The following PSMA5 variants were observed in gnomAD, a reference collection of about 807,000 sequenced individuals.
The protein encoded by PSMA5 is proteasome 20S subunit alpha 5.
A neutral mutation model predicts 34.5 loss-of-function variants in PSMA5; 3 were observed. The ratio of observed to expected loss-of-function variants is 0.09; its 90% CI spans 0.04 to 0.22. The LOEUF (loss-of-function observed/expected upper bound fraction) is 0.22. Among genes scored for constraint, PSMA5 ranks in the 10% least tolerant of loss-of-function variants. PSMA5 has a pLI of 1.00. For missense variants in PSMA5, 120 were observed against 286.1 expected (o/e 0.42, Z 4.19); for synonymous variants, 88 against 95.8 (o/e 0.92, Z 0.47).
chr1:109,400,575 C>T lies in PSMA5; in HGVS notation c.*1438G>A, dbSNP rs904897376. ...CTATACTTAATAAGTGTTAAAATCA[C>T]TAGAAGTCTCTGGAACATTCAGTAA... On this transcript the variant is annotated 3_prime_UTR_variant, in exon 9 of 9. Transcript: ENST00000271308. 1 of 152,202 alleles carries T rather than the reference C, an allele frequency of 6.6e-6. No individual in the cohort carries two copies. The highest frequency in any genetic ancestry group is 2.4e-5 in the African/African-American group (1 of 41,450). The allele number at this position is 152,202 out of a possible 1,614,324, so 9.4% of individuals were successfully genotyped here.
At chr1:109,416,947 A>C (rs190405568) in intron 2 of PSMA5, among the ~76,000 whole-genome samples, 4 of 152,202 alleles carry the variant, frequency 2.6e-5, no homozygotes, top group Non-Finnish European at 5.9e-5. Flanking sequence ...TCTATAAAAA[A>C]TACAATAATT....
intron 3 of PSMA5, 22 bp downstream of exon 3, chr1:109,415,215 A>T: frequency 2.5e-6 from 4 of 1,608,524 alleles, no homozygotes; most frequent in Non-Finnish European, 3.4e-6. Flanking sequence ...ATCCTACAGA[A>T]CAGCTTTCCT....
chr1:109,406,818 C>T (rs951031886), intron 8 of PSMA5, among the ~76,000 whole-genome samples: 1 of 152,094 alleles, frequency 6.6e-6, no homozygotes, highest in Non-Finnish European at 1.5e-5. Context: ...GTGACAGATA[C>T]TGGGGGTTGT....
At chr1:109,406,746 G>A (rs544408794) in intron 8 of PSMA5, among the ~76,000 whole-genome samples, 1 of 152,110 alleles carries the variant, frequency 6.6e-6, no homozygotes, top group Non-Finnish European at 1.5e-5. Context: ...AGATCAATGT[G>A]GGGGAAGAGA....
intron 1 of PSMA5, among the ~76,000 whole-genome samples, chr1:109,424,308 T>C (rs1455545041): frequency 2.0e-5 from 3 of 152,140 alleles, no homozygotes. Context: ...CTTTTTTTTT[T>C]TTGGAGACAA....
chr1:109,410,598 T>C (rs192218334), intron 7 of PSMA5, among the ~76,000 whole-genome samples: 1 of 152,314 alleles, frequency 6.6e-6, no homozygotes, highest in African/African-American at 2.4e-5. Context: ...GAGCCAATTG[T>C]AAAGTGCTAA....
chr1:109,404,359 A>T (rs930026706), intron 8 of PSMA5, among the ~76,000 whole-genome samples: 2 of 152,196 alleles, frequency 1.3e-5, no homozygotes, highest in African/African-American at 4.8e-5. Flanking sequence ...TGCTTCTCTT[A>T]AGATATATCT....
chr1:109,402,238 G>T, intron 8 of PSMA5, 148 bp from the exon 9 acceptor site: 1 of 529,524 alleles, frequency 1.9e-6, no homozygotes, highest in South Asian at 3.2e-5. Flanking sequence ...CCAGGCAGCA[G>T]GTCCCTAAAA....
At chr1:109,405,654 G>C (rs909983838) in intron 8 of PSMA5, among the ~76,000 whole-genome samples, 8 of 152,012 alleles carry the variant, frequency 5.3e-5, no homozygotes, top group African/African-American at 1.9e-4. Context: ...TGGCCTGGCT[G>C]GTCTTGAACT....
intron 2 of PSMA5, among the ~76,000 whole-genome samples, chr1:109,417,263 C>T (rs1322486439): frequency 1.3e-5 from 2 of 152,130 alleles, no homozygotes; most frequent in Non-Finnish European, 2.9e-5. Context: ...GGAGAAGACA[C>T]AGCAACAAAA....
At chr1:109,409,013 C>T (rs565702923) in intron 8 of PSMA5, among the ~76,000 whole-genome samples, 1 of 151,948 alleles carries the variant, frequency 6.6e-6, no homozygotes, top group African/African-American at 2.4e-5. Context: ...ACACTAGTTT[C>T]ATCTCCGTTT....
chr1:109,402,420 T>G (rs1376801970), intron 8 of PSMA5, among the ~76,000 whole-genome samples: 4 of 152,224 alleles, frequency 2.6e-5, no homozygotes, highest in Non-Finnish European at 4.4e-5. Flanking sequence ...CTTTTTTCTG[T>G]TAAAGACTCC....
chr1:109,410,054 C>A (rs372631938), intron 7 of PSMA5, 40 bp from the exon 8 acceptor site: 2 of 1,270,164 alleles, frequency 1.6e-6, no homozygotes, highest in Non-Finnish European at 2.3e-6. Context: ...ATTAATTATG[C>A]ACAATCCGTC....
chr1:109,426,210 AG>A lies in PSMA5; in HGVS notation c.29+91del, dbSNP rs1390665493. ...TCCGGCCAGTCTCGGGTTCCTGGGG[AG>A]CCCCATGACACGGCAGAACCCAGGC... is the stretch of plus-strand genomic sequence containing the variant. On this transcript the variant is annotated intron_variant, in intron 1 of 8. Transcript: ENST00000271308. 57 of 1,529,750 alleles carry A rather than the reference AG, an allele frequency of 3.7e-5. 1 individual carries two copies. Among genetic ancestry groups the A allele is most frequent in the Non-Finnish European group, 5.1e-5 (56 of 1,104,430 alleles). The allele number at this position is 1,529,750 out of a possible 1,614,324, so 94.8% of individuals were successfully genotyped here. A position where few individuals can be genotyped will look rare whatever the true frequency, so the allele number is the denominator to read the frequency against.
In PSMA5 at chr1:109,415,366, A is replaced by G. The variant is rs773677126; in HGVS notation, c.97-3T>C. On this transcript the variant is annotated splice_polypyrimidine_tract_variant and splice_region_variant and intron_variant, in intron 2 of 8. Transcript: ENST00000271308. ...ATCCCAATGGCTGTAGAACCAAGCT[A>G]AAGAGAAACATGTTATGATTACCAT... is the stretch of plus-strand genomic sequence containing the variant. 2.5e-6 allele frequency: 4 copies of G among 1,611,864 alleles called. No homozygotes were observed. Among genetic ancestry groups the G allele is most frequent in the East Asian group, 2.2e-5 (1 of 44,880 alleles).
intron 8 of PSMA5, among the ~76,000 whole-genome samples, chr1:109,405,625 G>A (rs988124886): frequency 1.3e-5 from 2 of 152,054 alleles, no homozygotes; most frequent in African/African-American, 4.8e-5. Context: ...TTTTATTAGA[G>A]ACAGGGGTTT....
chr1:109,402,178 G>A (rs1653559941), intron 8 of PSMA5, 88 bp from the exon 9 acceptor site: 6 of 927,368 alleles, frequency 6.5e-6, no homozygotes, highest in South Asian at 6.0e-5. Context: ...TGTTGGTGAT[G>A]CAGCTATTCA....
intron 1 of PSMA5, among the ~76,000 whole-genome samples, chr1:109,424,114 G>A (rs1010258049): frequency 2.0e-5 from 3 of 152,060 alleles, no homozygotes; most frequent in African/African-American, 7.2e-5. Context: ...TGATCTCACT[G>A]TCTTTATTAA....
chr1:109,401,816 AAAG>A lies in PSMA5; in HGVS notation c.*194_*196del. 2.6e-6 allele frequency: 1 copy of A among 379,954 alleles called. No individual in the cohort carries two copies. Among genetic ancestry groups the A allele is most frequent in the Non-Finnish European group, 4.6e-6 (1 of 215,188 alleles). The allele number at this position is 379,954 out of a possible 1,614,324, so 23.5% of individuals were successfully genotyped here. ...CATCTCTTAAAAAAAAAAAAAAAAA[AAAG>A]ACTATTAGAAGAGAACAGTCTATTA... On this transcript the variant is annotated 3_prime_UTR_variant, in exon 9 of 9. Coordinates refer to ENST00000271308, the MANE Select transcript of PSMA5 (RefSeq NM_002790.4).
Sources: allele counts gnomAD v4.1 joint callset (sites outside exome capture counted in the v4.1 genomes callset), GRCh38; gene constraint gnomAD v4.1.1; transcripts MANE v1.5; gene names NCBI Gene and HGNC (gene_info 2026-07-23, HGNC 2026-07-21).